HNRNPDL: variants seen among roughly 807,000 people sequenced by gnomAD.
HNRNPDL encodes the protein heterogeneous nuclear ribonucleoprotein D like.
HNRNPDL carries 18 observed loss-of-function variants against 48.0 expected under a neutral mutation model. The observed-to-expected ratio is 0.38, with a 90% CI of 0.26 to 0.56. HNRNPDL has a LOEUF of 0.56. Among genes scored for constraint, HNRNPDL ranks in the 20% least tolerant of loss-of-function variants. The pLI is 0.77. For missense variants in HNRNPDL, 553 were observed against 540.7 expected, an observed-to-expected ratio of 1.02 and a Z score of -0.23; for synonymous variants, 306 against 207.3, an observed-to-expected ratio of 1.48 and a Z score of -4.09.
rs755148544 is a variant in HNRNPDL at position 82,429,235 on chromosome 4, A to C, written c.443+13T>G. 8.1e-6 allele frequency: 13 copies of C among 1,612,172 alleles called. No homozygotes were observed. Among genetic ancestry groups the C allele is most frequent in the East Asian group, 4.5e-5 (2 of 44,862 alleles). On this transcript the variant is annotated intron_variant, in intron 1 of 7. Coordinates refer to ENST00000295470, the MANE Select transcript of HNRNPDL (RefSeq NM_031372.4). Reference sequence around the variant, plus strand: ...GCTGGGGGAGGGGGAGCGGGGGAAGAAGCGTGCGGTACCCGTCATCCTGCT... The same window carrying C: ...GCTGGGGGAGGGGGAGCGGGGGAAGCAGCGTGCGGTACCCGTCATCCTGCT...
intron 3 of HNRNPDL, 32 bp downstream of exon 3, chr4:82,427,986 C>G (rs753619730): frequency 1.3e-6 from 2 of 1,595,392 alleles, no homozygotes; most frequent in Non-Finnish European, 8.6e-7. Context: ...ATAAACACAT[C>G]AAGCTTAACA....
At chr4:82,426,870 C>T (rs570757196) in intron 5 of HNRNPDL, among the ~76,000 whole-genome samples, 2 of 152,184 alleles carry the variant, frequency 1.3e-5, no homozygotes, top group South Asian at 2.1e-4. Context: ...CCATTAAAGC[C>T]GAAGACAGGT....
At chr4:82,429,206 G>T in intron 1 of HNRNPDL, 42 bp downstream of exon 1, 1 of 1,583,288 alleles carries the variant, frequency 6.3e-7, no homozygotes, top group Non-Finnish European at 8.7e-7. Context: ...GGCGCGTGCG[G>T]CGCGCTGGGG....
chr4:82,425,974 T>C (rs780735686), intron 7 of HNRNPDL, 63 bp downstream of exon 7: 15 of 1,093,556 alleles, frequency 1.4e-5, no homozygotes, highest in Middle Eastern at 2.9e-4. Flanking sequence ...TACGTTTCAT[T>C]TGTCTATTGA....
intron 1 of HNRNPDL, among the ~76,000 whole-genome samples, chr4:82,428,921 A>G (rs1721543589): frequency 6.6e-6 from 1 of 152,198 alleles, no homozygotes; most frequent in South Asian, 2.1e-4. Context: ...GGTAACAGAG[A>G]CACAATGAAG....
rs752710041 is a variant in HNRNPDL at position 82,427,216 on chromosome 4, C to T, written c.995G>A (p.Arg332Gln). The change falls in exon 5 of 8, where the codon CGA becomes CAA. Residue 332 changes from arginine (R) to glutamine (Q), a missense_variant. Transcript: ENST00000295470. ...KGGRGAAAGG[R>Q]GGTRGRGRGQ... ...TCGGCCACGACCCCTCGTACCACCT[C>T]GTCCACCAGCTGCAGCACCTCTTCC... 1.9e-6 allele frequency: 3 copies of T among 1,613,418 alleles called. No homozygotes were observed. Among genetic ancestry groups the T allele is most frequent in the Middle Eastern group, 1.7e-4 (1 of 6,056 alleles).
At position 82,426,499 on chromosome 4, in the gene HNRNPDL, T is replaced by C. The variant is rs776278860; in HGVS notation, c.1156A>G (p.Asn386Asp). The C allele has an allele frequency of 6.2e-7, 1 of 1,612,708 alleles. No individual in the cohort carries two copies. The highest frequency in any genetic ancestry group is 1.7e-5 in the Admixed American group (1 of 60,016). Reference sequence around the variant, plus strand: ...GCATATCCCTGTCCATATCCATAGTTCCCATAGTTATACCCAGTATAATCA... The same window carrying C: ...GCATATCCCTGTCCATATCCATAGTCCCCATAGTTATACCCAGTATAATCA... ...GYDYTGYNYG[N>D]YGYGQGYADY... The change falls in exon 6 of 8, where the codon AAC becomes GAC. Residue 386 changes from asparagine to aspartate, a missense_variant. This residue lies in a region of HNRNPDL where 174 missense variants were observed against 204.6 expected (regional missense o/e 0.85). Coordinates refer to ENST00000295470, the MANE Select transcript of HNRNPDL (RefSeq NM_031372.4).
chr4:82,425,931 T>G, intron 7 of HNRNPDL, 106 bp downstream of exon 7: 1 of 733,798 alleles, frequency 1.4e-6, no homozygotes, highest in Non-Finnish European at 2.3e-6. Context: ...AATCAACAAT[T>G]TAGTAAAAAC....
chr4:82,427,059 T>G, intron 5 of HNRNPDL, 131 bp downstream of exon 5: 1 of 752,990 alleles, frequency 1.3e-6, no homozygotes, highest in African/African-American at 1.8e-5. Flanking sequence ...CAACCTCCAC[T>G]AAGCTGAACA....
rs1721625263 is a variant in HNRNPDL at position 82,429,621 on chromosome 4, A to C, written c.70T>G (p.Ser24Ala). Residue 24 changes from serine (S) to alanine (A), a missense_variant, in exon 1 of 8, where the codon TCC (serine) becomes GCC (alanine). Coordinates refer to ENST00000295470, the MANE Select transcript of HNRNPDL (RefSeq NM_031372.4). ...LFPSAPATLA[S>A]RSLSHWRPRP... ...GGCCGCCAATGGGAGAGGCTGCGGGAGGCTAAAGTAGCGGGAGCGGAGGGG... is the reference window on the plus strand; with the variant it reads ...GGCCGCCAATGGGAGAGGCTGCGGGCGGCTAAAGTAGCGGGAGCGGAGGGG... The C allele has an allele frequency of 7.4e-7, 1 of 1,356,966 alleles. No individual in the cohort carries two copies. The highest frequency in any genetic ancestry group is 9.5e-7 in the Non-Finnish European group (1 of 1,055,500). 84.1% of individuals were successfully genotyped at this position (1,356,966 alleles called of 1,614,324 possible).
Position 82,424,178 on chromosome 4 carries a change from TTGTGTTATGATTACAAA to T in HNRNPDL, c.*711_*727del, listed in dbSNP as rs1430988679. ...CTGAACTTTTATCAAGAATTACTCATTGTGTTATGATTACAAAGCTTTTTCTAGGTGACCACTGATTA... is the reference window on the plus strand; with the variant it reads ...CTGAACTTTTATCAAGAATTACTCATGCTTTTTCTAGGTGACCACTGATTA... On this transcript the variant is annotated 3_prime_UTR_variant, in exon 8 of 8. Coordinates refer to ENST00000295470, the MANE Select transcript of HNRNPDL (RefSeq NM_031372.4). The T allele has an allele frequency of 6.6e-6, 1 of 152,244 alleles. No homozygotes were observed. Among genetic ancestry groups the T allele is most frequent in the Non-Finnish European group, 1.5e-5 (1 of 68,042 alleles). 9.4% of individuals were successfully genotyped at this position (152,244 alleles called of 1,614,324 possible).
Position 82,424,265 on chromosome 4 carries a change from G to C in HNRNPDL, c.*641C>G, listed in dbSNP as rs1242368491. 1 of 152,212 alleles carries C rather than the reference G, an allele frequency of 6.6e-6. No homozygotes were observed. Among genetic ancestry groups the C allele is most frequent in the Non-Finnish European group, 1.5e-5 (1 of 68,024 alleles). 9.4% of individuals were successfully genotyped at this position (152,212 alleles called of 1,614,324 possible). A position where few individuals can be genotyped will look rare whatever the true frequency, so the allele number is the denominator to read the frequency against. On this transcript the variant is annotated 3_prime_UTR_variant, in exon 8 of 8. Coordinates refer to ENST00000295470, the MANE Select transcript of HNRNPDL (RefSeq NM_031372.4). ...TTCAAAAATGGCTTTCCAGAGACAG[G>C]AACAAAGTAAAAGGAGCTACTAACA... is the stretch of plus-strand genomic sequence containing the variant.
chr4:82,428,907 G>C (rs1049782960), intron 1 of HNRNPDL, among the ~76,000 whole-genome samples: 2 of 152,198 alleles, frequency 1.3e-5, no homozygotes, highest in African/African-American at 4.8e-5. Context: ...AAACCGCGCC[G>C]AGTGGTAACA....
At chr4:82,425,836 G>C in intron 7 of HNRNPDL, 1 of 511,328 alleles carries the variant, frequency 2.0e-6, no homozygotes, top group Non-Finnish European at 3.5e-6. Context: ...AAGTTTTTCT[G>C]CAATACTAAA....
At position 82,424,339 on chromosome 4, in the gene HNRNPDL, A is replaced by C. The variant is rs1474300245; in HGVS notation, c.*567T>G. ...TATGGTCTACTAGAAAGCTTCTACT[A>C]ATCACAACACTTATGTCTTCCTTTC... On this transcript the variant is annotated 3_prime_UTR_variant, in exon 8 of 8. Transcript: ENST00000295470. 5 of 152,526 alleles carry C rather than the reference A, an allele frequency of 3.3e-5. No homozygotes were observed. The highest frequency in any genetic ancestry group is 7.3e-5 in the Non-Finnish European group (5 of 68,038). 9.4% of individuals were successfully genotyped at this position (152,526 alleles called of 1,614,324 possible). A position where few individuals can be genotyped will look rare whatever the true frequency, so the allele number is the denominator to read the frequency against.
In HNRNPDL at chr4:82,428,007, T is replaced by C. The variant is rs375921407; in HGVS notation, c.774+11A>G. 6.2e-7 allele frequency: 1 copy of C among 1,612,074 alleles called. No homozygotes were observed. The highest frequency in any genetic ancestry group is 8.5e-7 in the Non-Finnish European group (1 of 1,178,902). The stretch of plus-strand genomic sequence containing the variant: ...ACATCAAGCTTAACATGTGTAAACA[T>C]AATCACACACCTCTCCAAAGGCTCC... On this transcript the variant is annotated intron_variant, in intron 3 of 7. Transcript: ENST00000295470.
rs2110031159 is a variant in HNRNPDL, at chr4:82,429,374, C to G, written c.317G>C (p.Arg106Pro). The change falls in exon 1 of 8, where the codon CGG becomes CCG. Residue 106 changes from arginine to proline, a missense_variant. By Grantham distance (103) the Arg-to-Pro change is moderately radical. This residue lies in a region of HNRNPDL where 327 missense variants were observed against 203.2 expected (regional missense o/e 1.61). Transcript: ENST00000295470. ...QRSAAAAAAT[R>P]TARQHPPADS... ...GGCAGGGGGGTGCTGGCGCGCAGTC[C>G]GGGTCGCGGCAGCAGCGGCGGCGGA... 1 of 1,613,528 alleles carries G rather than the reference C, an allele frequency of 6.2e-7. No homozygotes were observed. The highest frequency in any genetic ancestry group is 8.5e-7 in the Non-Finnish European group (1 of 1,179,788).
intron 3 of HNRNPDL, 131 bp from the exon 4 acceptor site, chr4:82,427,695 T>A: frequency 1.3e-6 from 1 of 788,940 alleles, no homozygotes; most frequent in Non-Finnish European, 2.1e-6. Context: ...CAGACATCAC[T>A]GCTTTATGAT....
In HNRNPDL at chr4:82,427,543, T is replaced by C. The variant is rs1309517997; in HGVS notation, c.796A>G (p.Met266Val). The change falls in exon 4 of 8, where the codon ATG (methionine) becomes GTG (valine). Residue 266 changes from methionine (M) to valine (V), a missense_variant. By Grantham distance (21) the Met-to-Val change is conservative (BLOSUM62 1). Coordinates refer to ENST00000295470, the MANE Select transcript of HNRNPDL (RefSeq NM_031372.4). ...CTTCTTTCATTTGTTTTTGTATCCA[T>C]GGGAAGTTCAATATTTTCAATCTGA... ...FGEIENIELP[M>V]DTKTNERRGF... The C allele has an allele frequency of 6.8e-6, 11 of 1,609,294 alleles. No individual in the cohort carries two copies. Among genetic ancestry groups the C allele is most frequent in the Admixed American group, 1.7e-5 (1 of 59,088 alleles).
Sources: allele counts gnomAD v4.1 joint callset (sites outside exome capture counted in the v4.1 genomes callset), GRCh38; gene constraint gnomAD v4.1.1; regional missense constraint gnomAD v4.1.1; transcripts MANE v1.5; gene names NCBI Gene and HGNC (gene_info 2026-07-23, HGNC 2026-07-21).